HDAC4: variants seen among roughly 807,000 people sequenced by gnomAD.
HDAC4 encodes histone deacetylase 4.
HDAC4 carries 16 observed loss-of-function variants against 135.1 expected under a neutral mutation model. That is an observed-to-expected ratio of 0.12 (90% CI 0.08 to 0.18). The LOEUF is 0.18. HDAC4 is among the 10% of genes least tolerant of loss of function. The pLI is 1.00. For synonymous variants in HDAC4, 685 were observed against 653.4 expected, an observed-to-expected ratio of 1.05 and a Z score of -0.74; for missense variants, 1,143 against 1,511.8, an observed-to-expected ratio of 0.76 and a Z score of 4.05.
chr2:239,122,396 T>C (rs1027827611), intron 12 of HDAC4, among the ~76,000 whole-genome samples: 2 of 152,178 alleles, frequency 1.3e-5, no homozygotes, highest in African/African-American at 4.8e-5. Context: ...CAGACATAAC[T>C]GAGGCCAAGT....
chr2:239,384,451 C>CAAAAAA (rs5839742), intron 1 of HDAC4, among the ~76,000 whole-genome samples: 2 of 95,088 alleles, frequency 2.1e-5, no homozygotes, highest in Non-Finnish European at 4.1e-5. Context: ...CCTGTCTCTA[C>CAAAAAA]AAAAAAAAAA....
intron 2 of HDAC4, among the ~76,000 whole-genome samples, chr2:239,265,334 G>A (rs1476285943): frequency 6.6e-6 from 1 of 152,226 alleles, no homozygotes; most frequent in Non-Finnish European, 1.5e-5. Flanking sequence ...CACCGCCACA[G>A]ACTTTCGTAT....
At chr2:239,255,295 C>CTGTGTGTGTGTG (rs60768204) in intron 2 of HDAC4, among the ~76,000 whole-genome samples, 301 of 149,698 alleles carry the variant, frequency 2.0e-3, no homozygotes, top group African/African-American at 7.0e-3. Flanking sequence ...TGTTTTCTCA[C>CTGTGTGTGTGTG]TGTGTGTGTG....
intron 6 of HDAC4, among the ~76,000 whole-genome samples, chr2:239,163,154 T>G (rs1239640914): frequency 6.6e-6 from 1 of 152,184 alleles, no homozygotes; most frequent in East Asian, 1.9e-4. Context: ...ACAAGCCTTT[T>G]GTGGTCTCTG....
At chr2:239,123,454 G>C (rs1276690787) in intron 12 of HDAC4, among the ~76,000 whole-genome samples, 6 of 152,340 alleles carry the variant, frequency 3.9e-5, no homozygotes, top group African/African-American at 1.2e-4. Context: ...GGGCCAGGCT[G>C]TGGCCTGTGC....
chr2:239,393,135 T>C (rs192380131), intron 1 of HDAC4, among the ~76,000 whole-genome samples: 1 of 152,254 alleles, frequency 6.6e-6, no homozygotes, highest in East Asian at 1.9e-4. Context: ...TGAGCCACCT[T>C]CTTCACCTTG....
intron 2 of HDAC4, among the ~76,000 whole-genome samples, chr2:239,336,328 G>C (rs1691938154): frequency 6.6e-6 from 1 of 152,174 alleles, no homozygotes; most frequent in Non-Finnish European, 1.5e-5. Flanking sequence ...AGTTCATCAA[G>C]CTAAGCAGTC....
chr2:239,109,271 G>A (rs2038448563), intron 14 of HDAC4, among the ~76,000 whole-genome samples: 1 of 152,352 alleles, frequency 6.6e-6, no homozygotes, highest in East Asian at 1.9e-4. Flanking sequence ...GCTAATGTGG[G>A]TTCATCCAGG....
chr2:239,194,982 C>T (rs1382091871), intron 3 of HDAC4, among the ~76,000 whole-genome samples: 1 of 152,194 alleles, frequency 6.6e-6, no homozygotes, highest in African/African-American at 2.4e-5. Context: ...TGGAAGAGTG[C>T]GGGTCCCCTG....
At chr2:239,302,887 C>G (rs1262697793) in intron 2 of HDAC4, among the ~76,000 whole-genome samples, 1 of 152,232 alleles carries the variant, frequency 6.6e-6, no homozygotes, top group South Asian at 2.1e-4. Context: ...ACTTGCTGGG[C>G]GTGCGGGGAA....
At chr2:239,096,370 A>ACG (rs1559418182) in intron 16 of HDAC4, among the ~76,000 whole-genome samples, 1 of 80,558 alleles carries the variant, frequency 1.2e-5, no homozygotes, top group Non-Finnish European at 2.3e-5. Context: ...GATGCCTGCA[A>ACG]CCCCCCCCGA....
At chr2:239,351,943 CA>C (rs1288639035) in intron 2 of HDAC4, 3 of 152,460 alleles carry the variant, frequency 2.0e-5, no homozygotes, top group African/African-American at 7.2e-5. Flanking sequence ...GCAGGAGCCC[CA>C]CACTCAGGCA....
chr2:239,339,967 G>T (rs1692197411), intron 2 of HDAC4, among the ~76,000 whole-genome samples: 1 of 152,250 alleles, frequency 6.6e-6, no homozygotes, highest in African/African-American at 2.4e-5. Flanking sequence ...AGAAGTGCTA[G>T]CAGCTGAGTA....
intron 12 of HDAC4, among the ~76,000 whole-genome samples, chr2:239,125,372 G>A (rs6543512): frequency 0.53 from 80,512 of 152,052 alleles, 21,660 homozygotes; most frequent in East Asian, 0.74. Flanking sequence ...GCCTACCACA[G>A]TTGAATGTTT....
intron 14 of HDAC4, 74 bp from the exon 15 acceptor site, chr2:239,108,257 CG>C: frequency 6.6e-7 from 1 of 1,525,840 alleles, no homozygotes; most frequent in South Asian, 1.2e-5. Context: ...AGGCTGCCCC[CG>C]GGTGGTGGCG....
intron 3 of HDAC4, among the ~76,000 whole-genome samples, chr2:239,209,195 T>C (rs2046232112): frequency 6.6e-6 from 1 of 152,242 alleles, no homozygotes; most frequent in Admixed American, 6.5e-5. Context: ...CTGAAAGACA[T>C]TTTTAAATGG....
chr2:239,126,369 A>G (rs1366417005), intron 12 of HDAC4, 87 bp downstream of exon 12: 7 of 1,604,826 alleles, frequency 4.4e-6, no homozygotes, highest in Non-Finnish European at 5.9e-6. Context: ...CCTTAAGGTC[A>G]GAAAGGGGCC....
At chr2:239,289,939 C>T (rs536630010) in intron 2 of HDAC4, among the ~76,000 whole-genome samples, 1 of 152,322 alleles carries the variant, frequency 6.6e-6, no homozygotes, top group East Asian at 1.9e-4. Context: ...TTTAAAACAG[C>T]ATCGTGATCT....
At chr2:239,053,702 T>A (rs1224575412) in intron 25 of HDAC4, 101 bp from the exon 26 acceptor site, 14 of 931,820 alleles carry the variant, frequency 1.5e-5, no homozygotes, top group Non-Finnish European at 2.3e-5. Flanking sequence ...CAAACCAGAT[T>A]GATCCCTTAT....
Sources: allele counts gnomAD v4.1 joint callset (sites outside exome capture counted in the v4.1 genomes callset), GRCh38; gene constraint gnomAD v4.1.1; transcripts MANE v1.5; gene names NCBI Gene and HGNC (gene_info 2026-07-23, HGNC 2026-07-21).